Variants in CCDC183 observed in about 807,000 individuals in gnomAD.
The protein encoded by CCDC183 is coiled-coil domain containing 183.
In CCDC183, 63 loss-of-function variants were observed where a neutral mutation model predicts 65.2. The observed-to-expected ratio is 0.97, with a 90% CI of 0.79 to 1.19. The LOEUF (loss-of-function observed/expected upper bound fraction) is 1.19. Ranked by LOEUF, CCDC183 falls within the 50% of genes most tolerant of loss-of-function variation. The probability of loss-of-function intolerance (pLI) is 0.00; values close to 1 mark genes in which losing one functional copy is unlikely to be tolerated. For missense variants in CCDC183, 769 were observed against 689.3 expected, an observed-to-expected ratio of 1.12 and a Z score of -1.30; for synonymous variants, 323 against 276.5, an observed-to-expected ratio of 1.17 and a Z score of -1.67.
Position 136,800,509 on chromosome 9 carries a change from C to T in CCDC183, c.543+16C>T. 1 of 1,349,768 alleles carries T rather than the reference C, an allele frequency of 7.4e-7. No homozygotes were observed. Among genetic ancestry groups the T allele is most frequent in the South Asian group, 1.2e-5 (1 of 83,648 alleles). 83.6% of individuals were successfully genotyped at this position (1,349,768 alleles called of 1,614,324 possible). ...TCTGAAGACAGTGAGCCCAGCGGCCCGGGAAGGGCGGGGGTCAGGGGCTGG... is the reference window on the plus strand; with the variant it reads ...TCTGAAGACAGTGAGCCCAGCGGCCTGGGAAGGGCGGGGGTCAGGGGCTGG... On this transcript the variant is annotated intron_variant, in intron 5 of 13. Transcript: ENST00000338005.
chr9:136,803,219 GCCCCCCAGGGCCAGC>G (rs1847774683), intron 6 of CCDC183, among the ~76,000 whole-genome samples: 1 of 75,768 alleles, frequency 1.3e-5, no homozygotes, highest in African/African-American at 5.3e-5. Flanking sequence ...AGGGCTGGGG[GCCCCCCAGGGCCAGC>G]CCTCTTGGAT....
At chr9:136,797,852 G>A (rs1483612622) in intron 1 of CCDC183, among the ~76,000 whole-genome samples, 4 of 152,048 alleles carry the variant, frequency 2.6e-5, no homozygotes, top group South Asian at 2.1e-4. Context: ...ACAGAGTCTC[G>A]CTCTGTCACG....
chr9:136,805,705 C>G, intron 9 of CCDC183: 1 of 552,068 alleles, frequency 1.8e-6, no homozygotes. Flanking sequence ...TGCCCTGACA[C>G]AAGCTTGTCC....
chr9:136,804,320 G>A lies in CCDC183; in HGVS notation c.667-182G>A, dbSNP rs1847803644. 1 of 760,694 alleles carries A rather than the reference G, an allele frequency of 1.3e-6. No homozygotes were observed. Among genetic ancestry groups the A allele is most frequent in the African/African-American group, 1.8e-5 (1 of 56,674 alleles). The allele number at this position is 760,694 out of a possible 1,614,324, so 47.1% of individuals were successfully genotyped here. On this transcript the variant is annotated intron_variant, in intron 6 of 13. Coordinates refer to ENST00000338005, the MANE Select transcript of CCDC183 (RefSeq NM_001039374.5). This position sits in a 1 kb window ranked among gnomAD's most constrained non-coding sequence, Gnocchi z 4.1. ...GGCACATGCTCTGAGGCATGGGCAA[G>A]GAGGGCCGTGAGCTGAGGGGCCACG...
rs1269048535 is a variant in CCDC183, at chr9:136,806,742, C to T, written c.1279-15C>T. On this transcript the variant is annotated splice_polypyrimidine_tract_variant and intron_variant, in intron 11 of 13. Coordinates refer to ENST00000338005, the MANE Select transcript of CCDC183 (RefSeq NM_001039374.5). ...AGGGCCAGAGGGGAGATGAGACCCT[C>T]CTCCCGGCCTACAGAGAGAAGTGGT... 9 of 1,613,364 alleles carry T rather than the reference C, an allele frequency of 5.6e-6. No individual in the cohort carries two copies. The African/African-American group carries it at 9.3e-5, about 17-fold the overall frequency.
chr9:136,806,734 G>A, intron 11 of CCDC183, 23 bp from the exon 12 acceptor site: 2 of 1,613,482 alleles, frequency 1.2e-6, no homozygotes, highest in Non-Finnish European at 1.7e-6. Flanking sequence ...GAGGGGAGAT[G>A]AGACCCTCCT....
chr9:136,806,301 G>C, intron 10 of CCDC183, 63 bp downstream of exon 10: 1 of 1,518,492 alleles, frequency 6.6e-7, no homozygotes, highest in Non-Finnish European at 8.9e-7. Context: ...CCGGGCTGCA[G>C]CCAGGCTGGG....
chr9:136,800,976 T>A (rs1847729537), intron 5 of CCDC183, among the ~76,000 whole-genome samples: 1 of 152,190 alleles, frequency 6.6e-6, no homozygotes, highest in South Asian at 2.1e-4. Context: ...CCCCTCGGGC[T>A]GCCACAAAGC....
chr9:136,800,412 C>T lies in CCDC183; in HGVS notation c.462C>T (p.Asn154=), dbSNP rs1847721105. ...LLQIIRQLEN[N]IEKTMIKIIT... is the part of the protein sequence containing the mutation. ...AGATCATCCGCCAGCTGGAGAACAA[C>T]ATCGAGAAGACAATGATCAAGATCA... The change falls in exon 5 of 14, where the codon AAC becomes AAT. Residue 154 remains asparagine, a synonymous_variant. Transcript: ENST00000338005. The T allele has an allele frequency of 1.2e-5, 19 of 1,611,930 alleles. No homozygotes were observed. The highest frequency in any genetic ancestry group is 1.5e-5 in the Non-Finnish European group (18 of 1,179,194).
At chr9:136,797,630 C>T (rs901200677) in intron 1 of CCDC183, among the ~76,000 whole-genome samples, 1 of 151,850 alleles carries the variant, frequency 6.6e-6, no homozygotes, top group Non-Finnish European at 1.5e-5. Flanking sequence ...AGTAGAGATG[C>T]GGTTTCACCG....
Position 136,796,452 on chromosome 9 carries a change from A to T in CCDC183, c.55A>T (p.Ile19Phe). Residue 19 changes from isoleucine to phenylalanine, a missense_variant, in exon 1 of 14, where the codon ATC (isoleucine) becomes TTC (phenylalanine). Coordinates refer to ENST00000338005, the MANE Select transcript of CCDC183 (RefSeq NM_001039374.5). ...AGAGCAGACCCAGGAGCTGAAGACC[A>T]TCACTCAGCTCCAGGGTGAGCCTGC... ...VEEQTQELKT[I>F]TQLQEQCRAL... 1 of 1,569,844 alleles carries T rather than the reference A, an allele frequency of 6.4e-7. No homozygotes were observed. Among genetic ancestry groups the T allele is most frequent in the Non-Finnish European group, 8.6e-7 (1 of 1,156,344 alleles).
intron 1 of CCDC183, 103 bp from the exon 2 acceptor site, chr9:136,798,992 CCCCTGGA>C: frequency 1.4e-6 from 2 of 1,468,998 alleles, no homozygotes; most frequent in African/African-American, 1.5e-5. Flanking sequence ...AGGGGGCATC[CCCCTGGA>C]CCCTGGGGCC....
chr9:136,800,545 G>T, intron 5 of CCDC183, 52 bp downstream of exon 5: 3 of 1,357,118 alleles, frequency 2.2e-6, no homozygotes, highest in South Asian at 2.5e-5. Flanking sequence ...GATCTGGGAG[G>T]GGCGGGAGCG....
intron 13 of CCDC183, chr9:136,807,337 G>A (rs982599169): frequency 4.5e-6 from 3 of 660,552 alleles, no homozygotes; most frequent in Admixed American, 6.0e-5. Context: ...CTGGAGCAGG[G>A]AGGAGCGCGG....
chr9:136,805,727 A>G, intron 9 of CCDC183: 1 of 547,634 alleles, frequency 1.8e-6, no homozygotes. Context: ...CTGTCAGACA[A>G]GTGACTCAAG....
At chr9:136,807,340 G>C in intron 13 of CCDC183, 1 of 663,436 alleles carries the variant, frequency 1.5e-6, no homozygotes, top group South Asian at 1.9e-5. Flanking sequence ...GAGCAGGGAG[G>C]AGCGCGGTGA....
At chr9:136,805,204 G>A in intron 8 of CCDC183, 153 bp from the exon 9 acceptor site, 1 of 642,944 alleles carries the variant, frequency 1.6e-6, no homozygotes, top group Admixed American at 2.7e-5. Flanking sequence ...TGAGGAGGGA[G>A]CAGGTTGGGG....
Position 136,804,158 on chromosome 9 carries a change from G to A in CCDC183, c.667-344G>A, listed in dbSNP as rs142753520. On this transcript the variant is annotated intron_variant, in intron 6 of 13. Transcript: ENST00000338005. The surrounding 1 kb of genome is among the most constrained non-coding windows in gnomAD (Gnocchi z 4.1). Reference sequence around the variant, plus strand: ...GACGGTTTTAGCTGCCCAAGGGCACGCTGGAAGAGGCCAGGTTTTGGGGAA... The same window carrying A: ...GACGGTTTTAGCTGCCCAAGGGCACACTGGAAGAGGCCAGGTTTTGGGGAA... 3.1e-4 allele frequency: 85 copies of A among 276,518 alleles called. No individual in the cohort carries two copies. In the East Asian group the frequency reaches 5.0e-3, roughly 16 times the overall value. The allele number at this position is 276,518 out of a possible 1,614,324, so 17.1% of individuals were successfully genotyped here. A position where few individuals can be genotyped will look rare whatever the true frequency, so the allele number is the denominator to read the frequency against.
chr9:136,806,786 T>A lies in CCDC183; in HGVS notation c.1308T>A (p.Asp436Glu). Residue 436 changes from aspartate to glutamate, a missense_variant, in exon 12 of 14, where the codon GAT becomes GAA. Physicochemically the swap from Asp to Glu is conservative, Grantham distance 45 (BLOSUM62 2). Transcript: ENST00000338005. ...QREVVLSNTL[D>E]LNSKLAYCEG... ...AAGTGGTGCTCTCCAACACCCTCGA[T>A]TTGAACAGCAAGCTGGCGTACTGCG... 6.2e-7 allele frequency: 1 copy of A among 1,613,556 alleles called. No individual in the cohort carries two copies.
Sources: gnomAD v4.1 joint callset for allele counts (sites outside exome capture counted in the v4.1 genomes callset) on GRCh38, gnomAD v4.1.1 for gene constraint, Gnocchi (gnomAD v3.1) non-coding constraint, MANE v1.5 for transcripts, NCBI Gene and HGNC (gene_info 2026-07-23, HGNC 2026-07-21) for gene names.